The following SLC4A10 variants were observed in gnomAD, a reference collection of about 807,000 sequenced individuals.
SLC4A10 encodes solute carrier family 4 member 10, also known as sodium-driven chloride bicarbonate exchanger.
Under a neutral mutation model 137.7 loss-of-function variants are expected in SLC4A10, and 42 were observed. The observed-to-expected ratio is 0.30, with a 90% CI of 0.24 to 0.39. SLC4A10 has a LOEUF of 0.39. SLC4A10 is among the 10% of genes least tolerant of loss of function. SLC4A10 has a pLI of 1.00. For synonymous variants in SLC4A10, 474 were observed against 464.1 expected (o/e 1.02, Z -0.27); for missense variants, 925 against 1,355.0 (o/e 0.68, Z 4.98).
chr2:161,921,467 A>T (rs2105505278), intron 15 of SLC4A10, among the ~76,000 whole-genome samples: 1 of 152,342 alleles, frequency 6.6e-6, no homozygotes, highest in African/African-American at 2.4e-5. Context: ...CTAGGCATAG[A>T]ATGTTTAAGT....
At chr2:161,975,391 G>A (rs981736548) in intron 24 of SLC4A10, among the ~76,000 whole-genome samples, 2 of 152,044 alleles carry the variant, frequency 1.3e-5, no homozygotes, top group Non-Finnish European at 2.9e-5. Flanking sequence ...ATGCATATTA[G>A]CAAATGAAAC....
At chr2:161,816,695 G>T (rs1171904513) in intron 3 of SLC4A10, among the ~76,000 whole-genome samples, 2 of 137,292 alleles carry the variant, frequency 1.5e-5, no homozygotes, top group Non-Finnish European at 3.0e-5. Flanking sequence ...TGTTCTCATT[G>T]TTCAATTCCC....
chr2:161,820,026 C>T (rs2057483924), intron 3 of SLC4A10, among the ~76,000 whole-genome samples: 1 of 152,074 alleles, frequency 6.6e-6, no homozygotes, highest in Non-Finnish European at 1.5e-5. Context: ...ATGCCAATTA[C>T]AATTAGCTAA....
intron 1 of SLC4A10, among the ~76,000 whole-genome samples, chr2:161,735,342 T>C: frequency 6.6e-6 from 1 of 151,716 alleles, no homozygotes. Context: ...ATTTAGGTTT[T>C]TATACCATTT....
At chr2:161,647,706 T>A (rs548173645) in intron 1 of SLC4A10, among the ~76,000 whole-genome samples, 1 of 152,350 alleles carries the variant, frequency 6.6e-6, no homozygotes, top group East Asian at 1.9e-4. Flanking sequence ...ATTATTAAAA[T>A]GTATAGTAAT....
chr2:161,798,701 T>C (rs187819845), intron 2 of SLC4A10, among the ~76,000 whole-genome samples: 300 of 151,636 alleles, frequency 2.0e-3, no homozygotes, highest in African/African-American at 6.7e-3. Flanking sequence ...TTGACATATG[T>C]GTCTTTAAGT....
At chr2:161,772,374 T>C (rs1444019485) in intron 2 of SLC4A10, among the ~76,000 whole-genome samples, 1 of 151,800 alleles carries the variant, frequency 6.6e-6, no homozygotes, top group East Asian at 1.9e-4. Context: ...AGCAAGATGG[T>C]AGCCTAGAAA....
chr2:161,748,068 GA>G (rs2048563100), intron 1 of SLC4A10, among the ~76,000 whole-genome samples: 1 of 151,980 alleles, frequency 6.6e-6, no homozygotes, highest in Non-Finnish European at 1.5e-5. Flanking sequence ...GTCTTCTTTG[GA>G]AAAAATGTAA....
intron 1 of SLC4A10, among the ~76,000 whole-genome samples, chr2:161,688,863 T>C (rs2041700352): frequency 6.6e-6 from 1 of 152,136 alleles, no homozygotes; most frequent in African/African-American, 2.4e-5. Flanking sequence ...ACCACAGTGG[T>C]TCCATAAGAT....
intron 15 of SLC4A10, among the ~76,000 whole-genome samples, chr2:161,912,274 A>G (rs767134999): frequency 6.6e-6 from 1 of 152,158 alleles, no homozygotes; most frequent in Non-Finnish European, 1.5e-5. Context: ...CTATTTACAT[A>G]AGAACTCAAT....
intron 2 of SLC4A10, among the ~76,000 whole-genome samples, chr2:161,773,725 G>A (rs187166404): frequency 1.3e-4 from 19 of 151,812 alleles, no homozygotes; most frequent in African/African-American, 4.3e-4. Context: ...CAACAGGTTG[G>A]TATATTAGTT....
At chr2:161,778,567 A>G (rs778964056) in intron 2 of SLC4A10, among the ~76,000 whole-genome samples, 10 of 152,076 alleles carry the variant, frequency 6.6e-5, no homozygotes, top group East Asian at 1.9e-4. Flanking sequence ...TTTAATTCAT[A>G]ATGTAATTAG....
At chr2:161,786,652 T>A (rs749126117) in intron 2 of SLC4A10, among the ~76,000 whole-genome samples, 1 of 151,848 alleles carries the variant, frequency 6.6e-6, no homozygotes, top group East Asian at 1.9e-4. Context: ...AAGTTAATAT[T>A]GACGTGAAAT....
At chr2:161,859,558 T>G (rs2060294648) in intron 5 of SLC4A10, among the ~76,000 whole-genome samples, 1 of 150,748 alleles carries the variant, frequency 6.6e-6, no homozygotes, top group South Asian at 2.1e-4. Flanking sequence ...TAGCAGAGTG[T>G]GACCTATTTG....
Position 161,725,902 on chromosome 2 carries a change from C to T in SLC4A10, c.49-45071C>T, listed in dbSNP as rs1338884029. ...TTATATATCCCTTAGAATACTAAAC[C>T]TACTTCTGGCATAATATTTACCATG... On this transcript the variant is annotated intron_variant, in intron 1 of 26. Transcript: ENST00000446997. 2.0e-5 allele frequency among the ~76,000 whole-genome samples: 3 copies of T among 152,142 alleles called. No homozygotes were observed. The East Asian group carries it at 5.8e-4, about 29-fold the overall frequency.
At chr2:161,806,534 GCCAGATAC>G (rs1227160620) in intron 3 of SLC4A10, among the ~76,000 whole-genome samples, 4 of 151,968 alleles carry the variant, frequency 2.6e-5, no homozygotes, top group African/African-American at 2.4e-5. Context: ...AATTTCTTCT[GCCAGATAC>G]CCTAAATCAT....
At chr2:161,777,557 G>A (rs764860073) in intron 2 of SLC4A10, among the ~76,000 whole-genome samples, 15 of 152,000 alleles carry the variant, frequency 9.9e-5, no homozygotes, top group Non-Finnish European at 1.9e-4. Context: ...AGTTCTGCGT[G>A]GCTGGGAAGG....
chr2:161,858,258 T>C (rs1374391501), intron 5 of SLC4A10, among the ~76,000 whole-genome samples: 1 of 152,134 alleles, frequency 6.6e-6, no homozygotes, highest in African/African-American at 2.4e-5. Context: ...CATTTCCTAC[T>C]AGATGAATAT....
intron 8 of SLC4A10, among the ~76,000 whole-genome samples, chr2:161,875,530 A>C (rs2061408939): frequency 6.6e-6 from 1 of 152,218 alleles, no homozygotes; most frequent in Non-Finnish European, 1.5e-5. Flanking sequence ...TTAGGAAAAT[A>C]ACTGGAATTA....
Sources: allele counts gnomAD v4.1 joint callset (sites outside exome capture counted in the v4.1 genomes callset), GRCh38; gene constraint gnomAD v4.1.1; transcripts MANE v1.5; gene names NCBI Gene and HGNC (gene_info 2026-07-23, HGNC 2026-07-21).